The following PGS1 variants were observed in gnomAD, a reference collection of about 807,000 sequenced individuals.
The protein encoded by PGS1 is CDP-diacylglycerol--glycerol-3-phosphate 3-phosphatidyltransferase, mitochondrial.
In PGS1, 44 loss-of-function variants were observed where a neutral mutation model predicts 58.3. The ratio of observed to expected loss-of-function variants is 0.75; its 90% CI spans 0.59 to 0.97. The LOEUF (loss-of-function observed/expected upper bound fraction) is 0.97. Ranked by LOEUF, PGS1 falls within the 50% of genes least tolerant of loss-of-function variation. The pLI is 0.00. For synonymous variants in PGS1, 330 were observed against 311.0 expected, an observed-to-expected ratio of 1.06 and a Z score of -0.64; for missense variants, 684 against 731.1, an observed-to-expected ratio of 0.94 and a Z score of 0.74.
At chr17:78,405,002 CT>C (rs546720490) in intron 7 of PGS1, among the ~76,000 whole-genome samples, 195 of 142,148 alleles carry the variant, frequency 1.4e-3, no homozygotes, top group Admixed American at 1.6e-3. Flanking sequence ...TTGTTGGCAA[CT>C]TTTTTTTTTT....
chr17:78,401,489 C>T (rs949644673), intron 6 of PGS1, among the ~76,000 whole-genome samples: 2 of 152,194 alleles, frequency 1.3e-5, no homozygotes, highest in Non-Finnish European at 1.5e-5. Context: ...CATTTGCATT[C>T]CTGTGATTCC....
Position 78,378,790 on chromosome 17 carries a change from G to T in PGS1, c.125G>T (p.Arg42Leu). 1 of 1,478,126 alleles carries T rather than the reference G, an allele frequency of 6.8e-7. No homozygotes were observed. The highest frequency in any genetic ancestry group is 1.3e-5 in the South Asian group (1 of 77,524). The allele number at this position is 1,478,126 out of a possible 1,614,324, so 91.6% of individuals were successfully genotyped here. The stretch of plus-strand genomic sequence containing the variant: ...CTGTCCGACCGCCTCGGCAGGAACC[G>T]GGACCGCCAGCGCAGGAGGTGAGAG... ...GRLSDRLGRNRDRQRRRSPWL... is the reference protein window; with the variant it reads ...GRLSDRLGRNLDRQRRRSPWL... The change falls in exon 1 of 10, where the codon CGG (arginine) becomes CTG (leucine). Residue 42 changes from arginine (R) to leucine (L), a missense_variant. Physicochemically the swap from Arg to Leu is moderately radical, Grantham distance 102. Transcript: ENST00000262764.
intron 1 of PGS1, among the ~76,000 whole-genome samples, chr17:78,379,874 T>A (rs909880418): frequency 6.8e-6 from 1 of 146,292 alleles, no homozygotes; most frequent in African/African-American, 2.6e-5. Context: ...TCTTTTCTTT[T>A]CTTTTTTTTT....
intron 1 of PGS1, among the ~76,000 whole-genome samples, chr17:78,379,603 A>T (rs964328462): frequency 1.3e-5 from 2 of 152,048 alleles, no homozygotes; most frequent in Admixed American, 6.6e-5. Context: ...AGGCAGGTGG[A>T]TCACCTGAGG....
intron 1 of PGS1, among the ~76,000 whole-genome samples, chr17:78,382,117 A>C (rs7221708): frequency 1.3e-4 from 20 of 151,972 alleles, no homozygotes; most frequent in African/African-American, 4.6e-4. Flanking sequence ...GGTGAAGAAG[A>C]GGGGGAGTGG....
intron 9 of PGS1, among the ~76,000 whole-genome samples, chr17:78,423,358 T>G (rs1598417892): frequency 6.6e-6 from 1 of 152,124 alleles, no homozygotes. Flanking sequence ...GGCTTGGGTG[T>G]GTTTCCTTAC....
At chr17:78,407,299 G>C (rs371880125) in intron 7 of PGS1, among the ~76,000 whole-genome samples, 1 of 152,318 alleles carries the variant, frequency 6.6e-6, no homozygotes, top group East Asian at 1.9e-4. Flanking sequence ...TGATGCTGAA[G>C]TGAGAGGCGA....
intron 9 of PGS1, among the ~76,000 whole-genome samples, chr17:78,423,508 G>A (rs1478845477): frequency 6.6e-5 from 10 of 152,200 alleles, no homozygotes; most frequent in South Asian, 2.1e-4. Context: ...GCCAGAGGGT[G>A]TGAGTGCCAA....
chr17:78,424,006 C>T lies in PGS1; in HGVS notation c.*11-55C>T, dbSNP rs150439390. 5.0e-5 allele frequency: 81 copies of T among 1,614,042 alleles called. No homozygotes were observed. The East Asian group carries it at 7.8e-4, about 16-fold the overall frequency. On this transcript the variant is annotated intron_variant, in intron 9 of 9. Coordinates refer to ENST00000262764, the MANE Select transcript of PGS1 (RefSeq NM_024419.5). Reference sequence around the variant, plus strand: ...CCAGACATAGGTGGGGCCGCGGATGCGTGTTTTGTACACGGGACACTCATA... The same window carrying T: ...CCAGACATAGGTGGGGCCGCGGATGTGTGTTTTGTACACGGGACACTCATA...
At chr17:78,423,948 C>G (rs372004613) in intron 9 of PGS1, 113 bp from the exon 10 acceptor site, 4 of 1,613,980 alleles carry the variant, frequency 2.5e-6, no homozygotes, top group Middle Eastern at 1.6e-4. Flanking sequence ...GGATCCACTT[C>G]GCTGCCTTCT....
At chr17:78,396,632 C>T (rs2083247041) in intron 3 of PGS1, among the ~76,000 whole-genome samples, 1 of 152,228 alleles carries the variant, frequency 6.6e-6, no homozygotes, top group African/African-American at 2.4e-5. Flanking sequence ...CTGGCAGTGT[C>T]CTCCTACCCA....
At chr17:78,397,353 T>G (rs1301447147) in intron 3 of PGS1, among the ~76,000 whole-genome samples, 1 of 152,172 alleles carries the variant, frequency 6.6e-6, no homozygotes, top group African/African-American at 2.4e-5. Flanking sequence ...GAGTTACTGG[T>G]GGGAGCTATA....
intron 3 of PGS1, among the ~76,000 whole-genome samples, chr17:78,397,441 C>CT (rs111557410): frequency 0.019 from 1,873 of 100,394 alleles, 43 homozygotes; most frequent in African/African-American, 0.053. Flanking sequence ...AGGCCTCCCT[C>CT]TTTTTTTTTT....
chr17:78,408,603 G>A (rs946043656), intron 7 of PGS1, among the ~76,000 whole-genome samples: 5 of 152,204 alleles, frequency 3.3e-5, no homozygotes, highest in African/African-American at 1.2e-4. Flanking sequence ...GAGTGGGGTG[G>A]GGGCCTTGGA....
intron 1 of PGS1, 79 bp from the exon 2 acceptor site, chr17:78,392,397 C>A: frequency 9.9e-7 from 1 of 1,014,670 alleles, no homozygotes; most frequent in Non-Finnish European, 1.5e-6. Flanking sequence ...CCTCTTCACT[C>A]CCCAGTAACT....
At chr17:78,421,825 G>A (rs556324013) in intron 9 of PGS1, 1 of 152,314 alleles carries the variant, frequency 6.6e-6, no homozygotes, top group East Asian at 1.9e-4. Flanking sequence ...GGCTGTCCTA[G>A]GCAGGTTCTC....
intron 1 of PGS1, 119 bp from the exon 2 acceptor site, chr17:78,392,356 AT>A: frequency 1.6e-6 from 1 of 623,662 alleles, no homozygotes; most frequent in Non-Finnish European, 2.8e-6. Context: ...TCTGACATTC[AT>A]AACACAAGCA....
intron 3 of PGS1, 82 bp downstream of exon 3, chr17:78,396,467 T>C (rs1303324255): frequency 5.0e-6 from 5 of 999,812 alleles, no homozygotes; most frequent in South Asian, 3.1e-5. Context: ...ATGCAGTTGG[T>C]GTGGAGCTGC....
intron 5 of PGS1, among the ~76,000 whole-genome samples, chr17:78,399,777 G>C (rs1193958455): frequency 1.3e-5 from 2 of 152,224 alleles, no homozygotes; most frequent in Non-Finnish European, 2.9e-5. Flanking sequence ...ACTCAGGTAT[G>C]TTGTCTGTTT....
Sources: gnomAD v4.1 joint callset for allele counts (sites outside exome capture counted in the v4.1 genomes callset) on GRCh38, gnomAD v4.1.1 for gene constraint, MANE v1.5 for transcripts, NCBI Gene and HGNC (gene_info 2026-07-23, HGNC 2026-07-21) for gene names.